The following SLIT3 variants were observed in gnomAD, a reference collection of about 807,000 sequenced individuals.
SLIT3 encodes slit homolog 3 protein.
A neutral mutation model predicts 184.0 loss-of-function variants in SLIT3; 68 were observed. That is an observed-to-expected ratio of 0.37 (90% CI 0.30 to 0.45). SLIT3 has a LOEUF of 0.45. Among genes scored for constraint, SLIT3 ranks in the 20% least tolerant of loss-of-function variants. The pLI is 1.00. For missense variants in SLIT3, 1,707 were observed against 2,026.0 expected (o/e 0.84, Z 3.02); for synonymous variants, 831 against 828.6 (o/e 1.00, Z -0.05).
At chr5:168,868,967 A>G (rs1466833554) in intron 5 of SLIT3, among the ~76,000 whole-genome samples, 2 of 152,058 alleles carry the variant, frequency 1.3e-5, no homozygotes, top group African/African-American at 2.4e-5. Flanking sequence ...CCACATATCA[A>G]TGGGACTCCC....
intron 4 of SLIT3, among the ~76,000 whole-genome samples, chr5:169,181,943 A>C (rs1763172696): frequency 6.6e-6 from 1 of 152,130 alleles, no homozygotes; most frequent in African/African-American, 2.4e-5. Flanking sequence ...ATCTGGAGAA[A>C]CGTTGGCATG....
intron 12 of SLIT3, among the ~76,000 whole-genome samples, chr5:168,779,240 A>AATCGTC (rs1179983397): frequency 2.6e-5 from 4 of 152,158 alleles, no homozygotes; most frequent in African/African-American, 9.7e-5. Context: ...TTTTGTTTCC[A>AATCGTC]ATCGTCATGC....
chr5:169,286,293 C>A (rs1767147979), intron 1 of SLIT3, among the ~76,000 whole-genome samples: 1 of 152,184 alleles, frequency 6.6e-6, no homozygotes, highest in African/African-American at 2.4e-5. Flanking sequence ...TTAAGAAACA[C>A]CGACTGCTAT....
At chr5:169,105,743 T>C (rs931494590) in intron 4 of SLIT3, among the ~76,000 whole-genome samples, 1 of 152,228 alleles carries the variant, frequency 6.6e-6, no homozygotes, top group Non-Finnish European at 1.5e-5. Context: ...TTGCTGAGGA[T>C]ATGGCTTCCT....
At chr5:169,246,991 G>T (rs1235479788) in intron 2 of SLIT3, among the ~76,000 whole-genome samples, 2 of 149,306 alleles carry the variant, frequency 1.3e-5, no homozygotes, top group African/African-American at 5.0e-5. Flanking sequence ...AACACTTTGG[G>T]AGGCCCAGGC....
intron 12 of SLIT3, among the ~76,000 whole-genome samples, chr5:168,779,167 C>A (rs1244331341): frequency 6.6e-6 from 1 of 152,138 alleles, no homozygotes. Context: ...TAACTTTGAC[C>A]AAAGTTCCAC....
chr5:168,988,606 G>A lies in SLIT3; in HGVS notation c.414-105270C>T, dbSNP rs145849679. On this transcript the variant is annotated intron_variant, in intron 4 of 35. Coordinates refer to ENST00000519560, the MANE Select transcript of SLIT3 (RefSeq NM_003062.4). ...AATAGCAAAACAGGGCAGAACTCAGGAAGACTGCGAGATCTAACTTAAAGC... is the reference window on the plus strand; with the variant it reads ...AATAGCAAAACAGGGCAGAACTCAGAAAGACTGCGAGATCTAACTTAAAGC... Among the ~76,000 whole-genome samples the A allele has an allele frequency of 4.1e-4, 63 of 152,290 alleles. No individual in the cohort carries two copies. The East Asian group carries it at 0.011, about 27-fold the overall frequency.
chr5:168,986,554 C>G (rs1755138211), intron 4 of SLIT3, among the ~76,000 whole-genome samples: 1 of 152,150 alleles, frequency 6.6e-6, no homozygotes, highest in Non-Finnish European at 1.5e-5. Flanking sequence ...TCCATCCCAC[C>G]CCTGCACGCT....
chr5:169,294,173 C>A (rs1015261150), intron 1 of SLIT3, among the ~76,000 whole-genome samples: 3 of 151,180 alleles, frequency 2.0e-5, no homozygotes, highest in African/African-American at 7.3e-5. Flanking sequence ...GGAAATACAG[C>A]TGTTTCAAGT....
intron 1 of SLIT3, among the ~76,000 whole-genome samples, chr5:169,280,788 T>C (rs1766968778): frequency 6.6e-6 from 1 of 152,196 alleles, no homozygotes; most frequent in South Asian, 2.1e-4. Flanking sequence ...CTCCCAGCTT[T>C]GCTGATGACT....
intron 4 of SLIT3, among the ~76,000 whole-genome samples, chr5:168,899,789 A>G (rs1001213610): frequency 5.6e-4 from 57 of 102,572 alleles, no homozygotes; most frequent in African/African-American, 1.7e-3. Flanking sequence ...AGGCCATTGG[A>G]TGGAACATTG....
intron 4 of SLIT3, among the ~76,000 whole-genome samples, chr5:168,940,442 G>A (rs1364307168): frequency 1.3e-5 from 2 of 151,894 alleles, no homozygotes; most frequent in South Asian, 2.1e-4. Context: ...AAATGACATC[G>A]CTGAGAGCAA....
At position 168,722,917 on chromosome 5, in the gene SLIT3, A is replaced by G. The variant is rs374950556; in HGVS notation, c.2411+16T>C. The G allele has an allele frequency of 1.1e-5, 18 of 1,587,174 alleles. No homozygotes were observed. Among genetic ancestry groups the G allele is most frequent in the Non-Finnish European group, 1.6e-5 (18 of 1,155,410 alleles). ...GGCCCAAGGGCATGGTAAACACAGC[A>G]TCTCAGTGTACTCACAGAGTGGAGA... is the stretch of plus-strand genomic sequence containing the variant. On this transcript the variant is annotated intron_variant, in intron 22 of 35. Coordinates refer to ENST00000519560, the MANE Select transcript of SLIT3 (RefSeq NM_003062.4).
chr5:168,877,972 T>C (rs187935382), intron 5 of SLIT3, among the ~76,000 whole-genome samples: 2 of 152,348 alleles, frequency 1.3e-5, no homozygotes, highest in East Asian at 3.9e-4. Context: ...GTTCTATCTC[T>C]ACGTCTTTCC....
chr5:169,186,375 C>G (rs1292012458), intron 4 of SLIT3, among the ~76,000 whole-genome samples: 3 of 152,172 alleles, frequency 2.0e-5, no homozygotes, highest in African/African-American at 7.2e-5. Flanking sequence ...AGGAACTAAT[C>G]CAGCCAGCAT....
intron 26 of SLIT3, chr5:168,706,419 A>T (rs1762372948): frequency 6.6e-6 from 1 of 151,922 alleles, no homozygotes; most frequent in Non-Finnish European, 1.5e-5. Context: ...TCTCTGCTGA[A>T]TCCATACAAG....
At chr5:168,858,073 A>G (rs1031743541) in intron 5 of SLIT3, among the ~76,000 whole-genome samples, 1 of 152,236 alleles carries the variant, frequency 6.6e-6, no homozygotes, top group Non-Finnish European at 1.5e-5. Context: ...AACAGCTTTT[A>G]AGGAGCATTC....
intron 4 of SLIT3, among the ~76,000 whole-genome samples, chr5:168,922,456 CAAA>C (rs34132541): frequency 1.2e-5 from 1 of 82,224 alleles, no homozygotes; most frequent in Admixed American, 1.4e-4. Flanking sequence ...GACTCTGTCT[CAAA>C]AAAAAAAAAA....
intron 4 of SLIT3, among the ~76,000 whole-genome samples, chr5:168,904,771 G>C (rs886110859): frequency 6.6e-6 from 1 of 152,212 alleles, no homozygotes; most frequent in Admixed American, 6.5e-5. Context: ...AGGGCAGTTT[G>C]TGCCAGTTTC....
Sources: gnomAD v4.1 joint callset for allele counts (sites outside exome capture counted in the v4.1 genomes callset) on GRCh38, gnomAD v4.1.1 for gene constraint, MANE v1.5 for transcripts, NCBI Gene and HGNC (gene_info 2026-07-23, HGNC 2026-07-21) for gene names.